PCID2: variants seen among roughly 807,000 people sequenced by gnomAD.
The protein encoded by PCID2 is PCI domain-containing protein 2.
A neutral mutation model predicts 61.3 loss-of-function variants in PCID2; 41 were observed. The observed-to-expected ratio is 0.67, with a 90% CI of 0.52 to 0.87. The LOEUF is 0.87. Among genes scored for constraint, PCID2 ranks in the 40% least tolerant of loss-of-function variants. The pLI is 0.00. For missense variants in PCID2, 392 were observed against 493.4 expected, an observed-to-expected ratio of 0.79 and a Z score of 1.95; for synonymous variants, 187 against 177.8, an observed-to-expected ratio of 1.05 and a Z score of -0.41.
intron 13 of PCID2, chr13:113,178,623 G>A (rs2037327738): frequency 2.8e-6 from 1 of 354,888 alleles, no homozygotes; most frequent in East Asian, 6.6e-5. Flanking sequence ...AAGTAACCTA[G>A]AGATAATTTA....
chr13:113,197,785 T>C (rs1484317136), intron 3 of PCID2, among the ~76,000 whole-genome samples: 5 of 152,214 alleles, frequency 3.3e-5, no homozygotes, highest in African/African-American at 4.8e-5. Flanking sequence ...GACACAATCT[T>C]CTGCCTGAAC....
downstream of PCID2, among the ~76,000 whole-genome samples, chr13:113,174,787 G>A (rs562431121): frequency 6.6e-6 from 1 of 152,348 alleles, no homozygotes; most frequent in South Asian, 2.1e-4. Context: ...TCCAGCCTGT[G>A]ATGATGTTTT....
At chr13:113,165,609 C>A in the PCID2 span, among the ~76,000 whole-genome samples, 2 of 152,340 alleles carry the variant, frequency 1.3e-5, no homozygotes, top group South Asian at 4.1e-4. Flanking sequence ...CGGCTCACTG[C>A]AACCTCTGCC....
At chr13:113,170,453 GTGTTATAATA>G in the PCID2 span, 1 of 1,609,964 alleles carries the variant, frequency 6.2e-7, no homozygotes, top group Non-Finnish European at 8.5e-7. Context: ...TTCTGTGGTG[GTGTTATAATA>G]CGGGAAAATT....
At chr13:113,192,505 C>T (rs957626641) in intron 6 of PCID2, among the ~76,000 whole-genome samples, 1 of 152,134 alleles carries the variant, frequency 6.6e-6, no homozygotes, top group Non-Finnish European at 1.5e-5. Context: ...TCTGGCTGAC[C>T]ATATTCTCCA....
At chr13:113,189,705 A>C (rs2038430679) in intron 7 of PCID2, among the ~76,000 whole-genome samples, 2 of 120,466 alleles carry the variant, frequency 1.7e-5, no homozygotes, top group Admixed American at 1.1e-4. Flanking sequence ...CAAATTACCT[A>C]AAATGAAGGA....
At chr13:113,181,874 CAA>C (rs906500092) in intron 9 of PCID2, among the ~76,000 whole-genome samples, 1 of 152,176 alleles carries the variant, frequency 6.6e-6, no homozygotes, top group African/African-American at 2.4e-5. Context: ...GACAGGCCTG[CAA>C]AGAGTTCAGC....
chr13:113,172,522 A>G, the PCID2 span: 1 of 296,112 alleles, frequency 3.4e-6, no homozygotes, highest in Non-Finnish European at 6.6e-6. Context: ...GCAGAAAGTG[A>G]CCTCCTCTGT....
chr13:113,176,182 A>G (rs555503763), downstream of PCID2, among the ~76,000 whole-genome samples: 25 of 152,390 alleles, frequency 1.6e-4, no homozygotes, highest in East Asian at 3.3e-3. Flanking sequence ...AGGGATTCAC[A>G]CTTTGTAGAA....
chr13:113,200,297 G>T, intron 2 of PCID2, 130 bp downstream of exon 2: 1 of 635,622 alleles, frequency 1.6e-6, no homozygotes, highest in Non-Finnish European at 2.8e-6. Flanking sequence ...AAATCATAAA[G>T]AAACTTTAAA....
In PCID2 at chr13:113,208,658, G is replaced by A. The variant is rs369057180; in HGVS notation, c.-24C>T. On this transcript the variant is annotated 5_prime_UTR_variant, in exon 1 of 14. Coordinates refer to ENST00000337344, the MANE Select transcript of PCID2 (RefSeq NM_001127202.4). ...ATGGGAGCGCCGCCGAACGGAGAGC[G>A]CCACCCCCTACGCCTCAAGCGGGCC... The A allele has an allele frequency of 3.7e-5, 60 of 1,602,050 alleles. No homozygotes were observed. The highest frequency in any genetic ancestry group is 5.1e-5 in the Admixed American group (3 of 58,946).
At chr13:113,170,855 C>T in the PCID2 span, among the ~76,000 whole-genome samples, 2 of 151,698 alleles carry the variant, frequency 1.3e-5, no homozygotes, top group Non-Finnish European at 2.9e-5. Flanking sequence ...GAATGGGGCT[C>T]GAATCCCCCA....
At chr13:113,166,344 C>T in the PCID2 span, 1 of 152,202 alleles carries the variant, frequency 6.6e-6, no homozygotes, top group Non-Finnish European at 1.5e-5. Context: ...TGAATTTACA[C>T]TGAGGTGCAG....
At chr13:113,195,044 A>G in intron 6 of PCID2, 27 bp downstream of exon 6, 1 of 1,501,276 alleles carries the variant, frequency 6.7e-7, no homozygotes, top group Non-Finnish European at 9.3e-7. Context: ...TAGTTTTAAA[A>G]TAATAATGAC....
intron 4 of PCID2, 40 bp downstream of exon 4, chr13:113,197,138 T>C: frequency 6.2e-7 from 1 of 1,614,136 alleles, no homozygotes; most frequent in African/African-American, 1.3e-5. Flanking sequence ...CCACTGCATG[T>C]GTTCTATGCG....
intron 2 of PCID2, 43 bp downstream of exon 2, chr13:113,200,384 G>A (rs780699845): frequency 7.8e-6 from 9 of 1,151,770 alleles, no homozygotes; most frequent in Non-Finnish European, 1.1e-5. Flanking sequence ...TGGTTACCCT[G>A]TAATTGTCTG....
rs534600560 is a variant in PCID2, at chr13:113,184,537, G to A, written c.544-50C>T. The stretch of plus-strand genomic sequence containing the variant: ...AAATATTTAAAAACAACAAAAACAG[G>A]TGGCAAAACAAATTACTAAGCATGT... On this transcript the variant is annotated intron_variant, in intron 8 of 13. Transcript: ENST00000337344. 5.5e-5 allele frequency: 62 copies of A among 1,123,054 alleles called. 3 individuals carry two copies. The Middle Eastern group carries it at 8.4e-4, about 15-fold the overall frequency. 69.6% of individuals were successfully genotyped at this position (1,123,054 alleles called of 1,614,324 possible).
downstream of PCID2, among the ~76,000 whole-genome samples, chr13:113,175,611 T>C (rs1437325668): frequency 6.6e-6 from 1 of 152,130 alleles, no homozygotes; most frequent in Non-Finnish European, 1.5e-5. Context: ...TCCGCCGGCA[T>C]GAGTTTGCTC....
At chr13:113,189,720 A>AAG (rs2138781007) in intron 7 of PCID2, among the ~76,000 whole-genome samples, 1 of 678 alleles carries the variant, frequency 1.5e-3, no homozygotes, top group South Asian at 0.083. Context: ...GAAGGAGAGG[A>AAG]AAAAAAAAAA....
Sources: allele counts gnomAD v4.1 joint callset (sites outside exome capture counted in the v4.1 genomes callset), GRCh38; gene constraint gnomAD v4.1.1; transcripts MANE v1.5; gene names NCBI Gene and HGNC (gene_info 2026-07-23, HGNC 2026-07-21).